Variants in PTPRT observed in about 807,000 individuals in gnomAD.
PTPRT encodes the protein receptor-type tyrosine-protein phosphatase T.
A neutral mutation model predicts 176.8 loss-of-function variants in PTPRT; 56 were observed. That is an observed-to-expected ratio of 0.32 (90% CI 0.26 to 0.40). PTPRT has a LOEUF of 0.40. Ranked by LOEUF, PTPRT falls within the 10% of genes least tolerant of loss-of-function variation. PTPRT has a pLI of 1.00. For missense variants in PTPRT, 1,540 were observed against 1,908.2 expected (o/e 0.81, Z 3.60); for synonymous variants, 783 against 739.0 (o/e 1.06, Z -0.96).
chr20:42,275,725 C>G (rs1430217906), intron 13 of PTPRT, among the ~76,000 whole-genome samples: 4 of 152,162 alleles, frequency 2.6e-5, no homozygotes, highest in Non-Finnish European at 5.9e-5. Flanking sequence ...TGATATAGTT[C>G]TCTTCCTCCA....
chr20:42,822,352 CA>C (rs1481470954), intron 2 of PTPRT, among the ~76,000 whole-genome samples: 3 of 151,990 alleles, frequency 2.0e-5, no homozygotes, highest in Non-Finnish European at 4.4e-5. Flanking sequence ...TAGCCAAATG[CA>C]AAAACAGAAA....
chr20:42,502,581 T>G (rs1276454900), intron 7 of PTPRT, among the ~76,000 whole-genome samples: 1 of 152,100 alleles, frequency 6.6e-6, no homozygotes, highest in Admixed American at 6.6e-5. Flanking sequence ...TTGACAACAG[T>G]TATCCATATT....
chr20:42,552,762 C>A (rs957416220), intron 7 of PTPRT, among the ~76,000 whole-genome samples: 2 of 151,922 alleles, frequency 1.3e-5, no homozygotes, highest in African/African-American at 4.8e-5. Flanking sequence ...TAATGAGTAT[C>A]CCCAAAGAAA....
intron 12 of PTPRT, among the ~76,000 whole-genome samples, chr20:42,283,052 G>A (rs1176096618): frequency 6.6e-6 from 1 of 152,130 alleles, no homozygotes; most frequent in African/African-American, 2.4e-5. Flanking sequence ...TTTCCCCTGA[G>A]CTCTTGTGTG....
chr20:42,152,156 C>T (rs6016698), intron 17 of PTPRT, among the ~76,000 whole-genome samples: 47,600 of 152,156 alleles, frequency 0.31, 8,888 homozygotes, highest in African/African-American at 0.52. Flanking sequence ...AAGGTGACAG[C>T]CAAATATCTT....
intron 14 of PTPRT, among the ~76,000 whole-genome samples, chr20:42,238,721 TC>T (rs2056293705): frequency 6.6e-6 from 1 of 152,190 alleles, no homozygotes; most frequent in African/African-American, 2.4e-5. Flanking sequence ...TTCTTCTTCT[TC>T]CCTTTGGACC....
intron 7 of PTPRT, among the ~76,000 whole-genome samples, chr20:42,521,068 A>G (rs895572173): frequency 1.3e-5 from 2 of 151,950 alleles, no homozygotes; most frequent in African/African-American, 4.8e-5. Flanking sequence ...ATATACATAC[A>G]TACATATCTC....
chr20:42,133,863 C>T (rs1350042028), intron 18 of PTPRT, among the ~76,000 whole-genome samples: 1 of 152,184 alleles, frequency 6.6e-6, no homozygotes, highest in African/African-American at 2.4e-5. Context: ...AATGCTAGGA[C>T]AATGCCTGGT....
intron 2 of PTPRT, among the ~76,000 whole-genome samples, chr20:42,806,499 A>G: frequency 6.6e-6 from 1 of 151,566 alleles, no homozygotes; most frequent in East Asian, 1.9e-4. Flanking sequence ...AAAAAAAAAA[A>G]AAACCCAAAC....
At chr20:43,055,952 T>C (rs1417755303) in intron 1 of PTPRT, among the ~76,000 whole-genome samples, 1 of 152,242 alleles carries the variant, frequency 6.6e-6, no homozygotes, top group Non-Finnish European at 1.5e-5. Flanking sequence ...GAGTTCTCCA[T>C]GTGTCCGAAA....
At chr20:42,184,614 TCTCCTC>T (rs1555798026) in intron 16 of PTPRT, among the ~76,000 whole-genome samples, 22 of 142,522 alleles carry the variant, frequency 1.5e-4, no homozygotes, top group East Asian at 8.1e-4. Flanking sequence ...TTCTTCTTCT[TCTCCTC>T]CTTCTTCTCC....
chr20:42,421,199 A>G (rs984846222), intron 9 of PTPRT, among the ~76,000 whole-genome samples: 1 of 152,022 alleles, frequency 6.6e-6, no homozygotes, highest in Non-Finnish European at 1.5e-5. Flanking sequence ...TCTCTTCTCA[A>G]CGTAATGACA....
At position 42,454,936 on chromosome 20, in the gene PTPRT, T is replaced by C. The variant is rs78585705; in HGVS notation, c.1451-6607A>G. Among the ~76,000 whole-genome samples the C allele has an allele frequency of 4.8e-3, 724 of 152,094 alleles. 7 individuals carry two copies. The highest frequency in any genetic ancestry group is 0.017 in the African/African-American group (697 of 41,472). ...AGAAGAAGCAAGAAGTGCCAGAGAG[T>C]TAATGCCCCGAAGACATCCTTCAAG... On this transcript the variant is annotated intron_variant, in intron 8 of 30. Coordinates refer to ENST00000373187, the MANE Select transcript of PTPRT (RefSeq NM_007050.6).
chr20:43,006,360 C>T (rs1047160721), intron 1 of PTPRT, among the ~76,000 whole-genome samples: 25 of 152,304 alleles, frequency 1.6e-4, no homozygotes, highest in African/African-American at 6.0e-4. Flanking sequence ...ACATGTGAAG[C>T]ATATGTTAAT....
At chr20:42,435,024 GAAAAGAAAACA>G (rs1181475979) in intron 9 of PTPRT, among the ~76,000 whole-genome samples, 2 of 151,566 alleles carry the variant, frequency 1.3e-5, no homozygotes, top group South Asian at 4.2e-4. Context: ...ATTTTAAAAA[GAAAAGAAAACA>G]AAAAGAAAAG....
chr20:42,820,234 C>T (rs978239802), intron 2 of PTPRT, among the ~76,000 whole-genome samples: 5 of 152,100 alleles, frequency 3.3e-5, no homozygotes, highest in African/African-American at 4.8e-5. Flanking sequence ...GACCACAGGG[C>T]AATCAAATTA....
At chr20:42,575,213 GGTCAAGGTGAT>G (rs1460034569) in intron 7 of PTPRT, among the ~76,000 whole-genome samples, 4 of 152,122 alleles carry the variant, frequency 2.6e-5, no homozygotes, top group African/African-American at 9.7e-5. Flanking sequence ...CCCGTCCCTT[GGTCAAGGTGAT>G]GGGGGGCAGC....
At chr20:43,039,260 C>T (rs1986509311) in intron 1 of PTPRT, among the ~76,000 whole-genome samples, 2 of 152,176 alleles carry the variant, frequency 1.3e-5, no homozygotes, top group African/African-American at 4.8e-5. Context: ...CCCCAAAATA[C>T]ATATTATTCT....
At chr20:42,862,828 G>A (rs2078685082) in intron 2 of PTPRT, among the ~76,000 whole-genome samples, 2 of 152,174 alleles carry the variant, frequency 1.3e-5, no homozygotes, top group Admixed American at 1.3e-4. Context: ...CCCTCTTAGG[G>A]ACTGGGTGGG....
Sources: gnomAD v4.1 joint callset for allele counts (sites outside exome capture counted in the v4.1 genomes callset) on GRCh38, gnomAD v4.1.1 for gene constraint, MANE v1.5 for transcripts, NCBI Gene and HGNC (gene_info 2026-07-23, HGNC 2026-07-21) for gene names.